The following GTPBP1 variants were observed in gnomAD, a reference collection of about 807,000 sequenced individuals.
GTPBP1 encodes GTP-binding protein 1.
A neutral mutation model predicts 62.0 loss-of-function variants in GTPBP1; 23 were observed. The observed-to-expected ratio is 0.37, with a 90% CI of 0.27 to 0.53. The LOEUF is 0.53. GTPBP1 is among the 20% of genes least tolerant of loss of function. The probability of loss-of-function intolerance (pLI) is 0.89; values close to 1 mark genes in which losing one functional copy is unlikely to be tolerated. For synonymous variants in GTPBP1, 344 were observed against 364.4 expected (o/e 0.94, Z 0.64); for missense variants, 640 against 917.3 (o/e 0.70, Z 3.90).
chr22:38,721,614 C>T (rs2092701156), intron 4 of GTPBP1, 128 bp from the exon 5 acceptor site: 8 of 701,352 alleles, frequency 1.1e-5, no homozygotes, highest in East Asian at 5.4e-5. Context: ...CCCACATCAT[C>T]GAGTCAGGGG....
downstream of GTPBP1, chr22:38,739,011 G>A (rs1012944188): frequency 2.5e-6 from 4 of 1,594,484 alleles, no homozygotes; most frequent in African/African-American, 5.4e-5. This position sits in a 1 kb window ranked among gnomAD's most constrained non-coding sequence, Gnocchi z 6.7. Flanking sequence ...AGGAAGGCAG[G>A]GTGGGCTCCC....
downstream of GTPBP1, chr22:38,741,695 C>G: frequency 2.3e-6 from 2 of 875,696 alleles, no homozygotes; most frequent in African/African-American, 3.3e-5. Context: ...TGGCTCTCAG[C>G]CTTCTCTGAA....
At chr22:38,739,999 G>A (rs191329102), downstream of GTPBP1, 41 of 1,565,810 alleles carry the variant, frequency 2.6e-5, no homozygotes, top group Admixed American at 4.9e-4. This position sits in a 1 kb window ranked among gnomAD's most constrained non-coding sequence, Gnocchi z 6.7. Context: ...AGCAGGAGCT[G>A]CTATGACAGG....
intron 2 of GTPBP1, among the ~76,000 whole-genome samples, chr22:38,711,387 T>C (rs1303061594): frequency 6.6e-6 from 1 of 152,176 alleles, no homozygotes; most frequent in Non-Finnish European, 1.5e-5. Flanking sequence ...TTTCCTTGTC[T>C]TAAAATGGGG....
At chr22:38,742,154 A>G (rs112912038), downstream of GTPBP1, 6 of 1,108,974 alleles carry the variant, frequency 5.4e-6, no homozygotes, top group Admixed American at 6.1e-5. Context: ...AAAAGAAAAA[A>G]AAAAAAGAAA....
At chr22:38,734,268 G>A, downstream of GTPBP1, 2 of 465,386 alleles carry the variant, frequency 4.3e-6, no homozygotes, top group South Asian at 3.1e-5. Context: ...GTCAGGGCCT[G>A]TTTTTCTCCT....
chr22:38,719,730 C>A (rs940385163), intron 4 of GTPBP1, among the ~76,000 whole-genome samples: 2 of 151,462 alleles, frequency 1.3e-5, no homozygotes, highest in Non-Finnish European at 2.9e-5. Flanking sequence ...CTAAACACTT[C>A]AGCATACAGC....
At chr22:38,721,711 G>A (rs202018998) in intron 4 of GTPBP1, 31 bp from the exon 5 acceptor site, 58 of 1,599,134 alleles carry the variant, frequency 3.6e-5, no homozygotes, top group East Asian at 9.0e-5. Context: ...TTTCTCTCTC[G>A]TCCTGACACT....
At chr22:38,737,044 G>T (rs938077796), downstream of GTPBP1, among the ~76,000 whole-genome samples, 1 of 152,112 alleles carries the variant, frequency 6.6e-6, no homozygotes, top group East Asian at 1.9e-4. This position sits in a 1 kb window ranked among gnomAD's most constrained non-coding sequence, Gnocchi z 4.1. Flanking sequence ...TCGGGATCTC[G>T]CTGTGTTCAC....
At chr22:38,737,841 C>T (rs990062463), downstream of GTPBP1, 11 of 522,694 alleles carry the variant, frequency 2.1e-5, no homozygotes, top group Admixed American at 1.6e-4. The surrounding 1 kb of genome is among the most constrained non-coding windows in gnomAD (Gnocchi z 4.1). Context: ...GTAGAATGCC[C>T]GCGCCCTGGC....
At chr22:38,737,395 C>T (rs1426188970), downstream of GTPBP1, among the ~76,000 whole-genome samples, 1 of 152,132 alleles carries the variant, frequency 6.6e-6, no homozygotes, top group Admixed American at 6.5e-5. This position sits in a 1 kb window ranked among gnomAD's most constrained non-coding sequence, Gnocchi z 4.1. Flanking sequence ...TCCCAACGCC[C>T]CTCTCCCCCA....
At chr22:38,718,518 G>C (rs1384854203) in intron 4 of GTPBP1, among the ~76,000 whole-genome samples, 1 of 152,160 alleles carries the variant, frequency 6.6e-6, no homozygotes, top group Non-Finnish European at 1.5e-5. Flanking sequence ...CTCCAGGTTG[G>C]GAAGAGCAAA....
At chr22:38,740,383 G>A, downstream of GTPBP1, 1 of 1,573,958 alleles carries the variant, frequency 6.4e-7, no homozygotes, top group African/African-American at 1.3e-5. This position sits in a 1 kb window ranked among gnomAD's most constrained non-coding sequence, Gnocchi z 4.8. Flanking sequence ...TGGTCCTCCA[G>A]CCGCCTCAGC....
chr22:38,706,191 CT>C, intron 1 of GTPBP1, 44 bp downstream of exon 1: 1 of 1,182,408 alleles, frequency 8.5e-7, no homozygotes, highest in Non-Finnish European at 1.1e-6. Context: ...GAGCGGGCGG[CT>C]GGCCGAGCAG....
At position 38,716,834 on chromosome 22, in the gene GTPBP1, A is replaced by G. The variant is rs2092673798; in HGVS notation, c.668A>G (p.Asn223Ser). Residue 223 changes from asparagine to serine, a missense_variant, in exon 4 of 12, where the codon AAT becomes AGT. By Grantham distance (46) the Asn-to-Ser change is conservative. Transcript: ENST00000216044. The surrounding 1 kb of genome is among the most constrained non-coding windows in gnomAD (Gnocchi z 5.2). ...ATTCTGGGCTTTGACAGTGAAGGCA[A>G]TGTAGTGAACAAGCCTGACAGCCAC... is the stretch of plus-strand genomic sequence containing the variant. ...NDILGFDSEGNVVNKPDSHGG... is the reference protein window; with the variant it reads ...NDILGFDSEGSVVNKPDSHGG... The G allele has an allele frequency of 6.2e-7, 1 of 1,614,192 alleles. No individual in the cohort carries two copies. Among genetic ancestry groups the G allele is most frequent in the Non-Finnish European group, 8.5e-7 (1 of 1,180,006 alleles).
chr22:38,716,407 G>A lies in GTPBP1; in HGVS notation c.486-245G>A, dbSNP rs1397060316. Among the ~76,000 whole-genome samples, 1 of 152,210 alleles carries A rather than the reference G, an allele frequency of 6.6e-6. No homozygotes were observed. The highest frequency in any genetic ancestry group is 2.4e-5 in the African/African-American group (1 of 41,446). ...GGTAGCCTTGCGGCTCTTCCTGGCA[G>A]CACCCAGAAGCTAGTGGGAGTTAAG... On this transcript the variant is annotated intron_variant, in intron 3 of 11. Coordinates refer to ENST00000216044, the MANE Select transcript of GTPBP1 (RefSeq NM_004286.5). This position sits in a 1 kb window ranked among gnomAD's most constrained non-coding sequence, Gnocchi z 5.2.
chr22:38,739,044 AGGCCATTG>A, downstream of GTPBP1: 3 of 1,523,966 alleles, frequency 2.0e-6, no homozygotes, highest in Non-Finnish European at 2.7e-6. The surrounding 1 kb of genome is among the most constrained non-coding windows in gnomAD (Gnocchi z 6.7). Flanking sequence ...GGCCCCGCTC[AGGCCATTG>A]GCTGTCTCCT....
intron 5 of GTPBP1, chr22:38,723,610 G>A (rs2145872674): frequency 1.8e-6 from 1 of 544,780 alleles, no homozygotes; most frequent in Non-Finnish European, 3.3e-6. Context: ...TTAGTTCTTG[G>A]TCTGAACACA....
In GTPBP1 at chr22:38,726,541, A is replaced by G. The variant is rs920266777; in HGVS notation, c.1401+101A>G. 2 of 1,029,688 alleles carry G rather than the reference A, an allele frequency of 1.9e-6. No individual in the cohort carries two copies. Among genetic ancestry groups the G allele is most frequent in the East Asian group, 4.8e-5 (2 of 41,622 alleles). The allele number at this position is 1,029,688 out of a possible 1,614,324, so 63.8% of individuals were successfully genotyped here. A position where few individuals can be genotyped will look rare whatever the true frequency, so the allele number is the denominator to read the frequency against. On this transcript the variant is annotated intron_variant, in intron 8 of 11. Coordinates refer to ENST00000216044, the MANE Select transcript of GTPBP1 (RefSeq NM_004286.5). This position sits in a 1 kb window ranked among gnomAD's most constrained non-coding sequence, Gnocchi z 4.1. ...ACTCTAGTCCTCATGGCTGCTCTGC[A>G]AGGTCGGGATTACTGGCTTCATTTT...
Sources: allele counts gnomAD v4.1 joint callset (sites outside exome capture counted in the v4.1 genomes callset), GRCh38; gene constraint gnomAD v4.1.1; non-coding constraint Gnocchi (gnomAD v3.1); transcripts MANE v1.5; gene names NCBI Gene and HGNC (gene_info 2026-07-23, HGNC 2026-07-21).